Variants in EIF3L observed in about 807,000 individuals in gnomAD.
EIF3L encodes eukaryotic translation initiation factor 3 subunit L.
EIF3L carries 32 observed loss-of-function variants against 74.6 expected under a neutral mutation model. That is an observed-to-expected ratio of 0.43 (90% CI 0.32 to 0.58). The LOEUF (loss-of-function observed/expected upper bound fraction) is 0.58. Ranked by LOEUF, EIF3L falls within the 20% of genes least tolerant of loss-of-function variation. EIF3L has a pLI of 0.06. For missense variants in EIF3L, 474 were observed against 707.8 expected (o/e 0.67, Z 3.75); for synonymous variants, 256 against 254.4 (o/e 1.01, Z -0.06).
At chr22:37,866,742 C>T (rs969102864) in intron 7 of EIF3L, among the ~76,000 whole-genome samples, 5 of 151,870 alleles carry the variant, frequency 3.3e-5, no homozygotes, top group African/African-American at 7.3e-5. Context: ...GCTGAGATTG[C>T]GCCACTGCAC....
rs563358259 is a variant in EIF3L at position 37,856,099 on chromosome 22, C to A, written c.373+455C>A. On this transcript the variant is annotated intron_variant, in intron 4 of 12. Transcript: ENST00000652021. ...TTGAGATGGAGTCTCGTTCTGTCTC[C>A]CAGGCTGAAGTACAGTGGCACAATC... 4.0e-5 allele frequency among the ~76,000 whole-genome samples: 6 copies of A among 151,830 alleles called. No individual in the cohort carries two copies. In the South Asian group the frequency reaches 1.0e-3, roughly 26 times the overall value.
At chr22:37,850,841 T>C (rs1315123296) in intron 2 of EIF3L, among the ~76,000 whole-genome samples, 9 of 152,218 alleles carry the variant, frequency 5.9e-5, no homozygotes, top group Non-Finnish European at 1.2e-4. Context: ...TCCTAAAGAA[T>C]AGAAAATATA....
At position 37,858,754 on chromosome 22, in the gene EIF3L, T is replaced by G. The variant is rs1925680171; in HGVS notation, c.435+14T>G. On this transcript the variant is annotated intron_variant, in intron 5 of 12. Transcript: ENST00000652021. ...GCCAAAGTCAGTGTAAGTATTTAAGTGTCGCAGTTTTTTTTTTGTTTTTGT... is the reference window on the plus strand; with the variant it reads ...GCCAAAGTCAGTGTAAGTATTTAAGGGTCGCAGTTTTTTTTTTGTTTTTGT... 1 of 1,590,854 alleles carries G rather than the reference T, an allele frequency of 6.3e-7. No homozygotes were observed. The highest frequency in any genetic ancestry group is 8.5e-7 in the Non-Finnish European group (1 of 1,173,794).
chr22:37,849,894 C>A, intron 1 of EIF3L, 121 bp from the exon 2 acceptor site: 2 of 1,044,470 alleles, frequency 1.9e-6, no homozygotes, highest in South Asian at 1.3e-5. Flanking sequence ...TCCTCAAAGG[C>A]AGGCACAGTG....
chr22:37,855,561 T>C lies in EIF3L; in HGVS notation c.294-4T>C, dbSNP rs1390695842. 1.2e-5 allele frequency: 20 copies of C among 1,613,820 alleles called. No individual in the cohort carries two copies. Among genetic ancestry groups the C allele is most frequent in the Non-Finnish European group, 1.4e-5 (16 of 1,179,846 alleles). Reference sequence around the variant, plus strand: ...ATTTTAGAGATTTTTTTCTTGATTTTTAGCTGGACCAAGCTGACTGAAAGA... The same window carrying C: ...ATTTTAGAGATTTTTTTCTTGATTTCTAGCTGGACCAAGCTGACTGAAAGA... On this transcript the variant is annotated splice_region_variant and splice_polypyrimidine_tract_variant and intron_variant, in intron 3 of 12. Coordinates refer to ENST00000652021, the MANE Select transcript of EIF3L (RefSeq NM_016091.4).
At chr22:37,867,656 CA>C (rs59463385) in intron 7 of EIF3L, among the ~76,000 whole-genome samples, 71,843 of 103,264 alleles carry the variant, frequency 0.7, 23,389 homozygotes, top group African/African-American at 0.86. Flanking sequence ...GATTCCGTCT[CA>C]AAAAAAAAAA....
At chr22:37,873,595 T>C (rs372616281) in intron 8 of EIF3L, among the ~76,000 whole-genome samples, 68 of 152,294 alleles carry the variant, frequency 4.5e-4, no homozygotes, top group African/African-American at 1.6e-3. Context: ...TCCCGACCTA[T>C]GTATCAGTTG....
At chr22:37,872,632 A>T (rs1183830145) in intron 8 of EIF3L, among the ~76,000 whole-genome samples, 2 of 151,958 alleles carry the variant, frequency 1.3e-5, no homozygotes, top group Non-Finnish European at 2.9e-5. Flanking sequence ...ATTTTTATTT[A>T]TTTTGAGATG....
Position 37,850,093 on chromosome 22 carries a change from C to T in EIF3L, c.82+30C>T, listed in dbSNP as rs760137101. 9.3e-6 allele frequency: 15 copies of T among 1,612,092 alleles called. No homozygotes were observed. The South Asian group carries it at 1.1e-4, about 12-fold the overall frequency. ...GACCACGGGTTAGGCTGGCTGAGTA[C>T]TCGTAGGGATCAGTTCCTTTGGAAT... On this transcript the variant is annotated intron_variant, in intron 2 of 12. Transcript: ENST00000652021.
chr22:37,874,998 C>G (rs1926669718), intron 9 of EIF3L, among the ~76,000 whole-genome samples: 1 of 150,872 alleles, frequency 6.6e-6, no homozygotes. Flanking sequence ...CTACCTCGGC[C>G]TCCCAAAATG....
At chr22:37,862,836 C>T in intron 5 of EIF3L, 133 bp from the exon 6 acceptor site, 1 of 647,788 alleles carries the variant, frequency 1.5e-6, no homozygotes, top group South Asian at 2.1e-5. Context: ...CTCTCACTTG[C>T]ATATTTACAT....
chr22:37,876,255 G>A (rs1380819877), intron 10 of EIF3L: 3 of 387,946 alleles, frequency 7.7e-6, no homozygotes, highest in Admixed American at 4.4e-5. Flanking sequence ...TTAGTCTTCC[G>A]AATAGCTGGG....
intron 10 of EIF3L, chr22:37,877,286 C>A (rs1236899973): frequency 5.4e-6 from 1 of 186,318 alleles, no homozygotes; most frequent in Admixed American, 5.3e-5. Context: ...GCCCATGGCC[C>A]GTTGTTGACT....
intron 12 of EIF3L, 80 bp from the exon 13 acceptor site, chr22:37,888,346 C>CT: frequency 1.3e-6 from 2 of 1,487,786 alleles, no homozygotes; most frequent in Admixed American, 3.6e-5. Context: ...AGCTGGGAAT[C>CT]TGACCTAGTG....
chr22:37,864,607 C>T (rs538903580), intron 7 of EIF3L, among the ~76,000 whole-genome samples: 2 of 151,298 alleles, frequency 1.3e-5, no homozygotes, highest in African/African-American at 4.9e-5. Flanking sequence ...GGCATTATCC[C>T]GGCTCACTGC....
intron 8 of EIF3L, 108 bp downstream of exon 8, chr22:37,870,455 G>C: frequency 1.8e-6 from 2 of 1,139,118 alleles, no homozygotes; most frequent in South Asian, 1.6e-5. Flanking sequence ...CCATGTCTTA[G>C]GTGGTGGTCT....
chr22:37,876,868 A>C (rs1013042244), intron 10 of EIF3L: 3 of 152,208 alleles, frequency 2.0e-5, no homozygotes, highest in Admixed American at 2.0e-4. Flanking sequence ...GAATATCATG[A>C]GCAAAGTGGT....
At chr22:37,869,018 A>T (rs1569117710) in intron 7 of EIF3L, among the ~76,000 whole-genome samples, 1 of 152,100 alleles carries the variant, frequency 6.6e-6, no homozygotes, top group Non-Finnish European at 1.5e-5. Context: ...CTCATGATCC[A>T]TCCACCTTGG....
intron 1 of EIF3L, 133 bp downstream of exon 1, chr22:37,849,615 G>A: frequency 9.8e-7 from 1 of 1,021,050 alleles, no homozygotes; most frequent in Non-Finnish European, 1.4e-6. Flanking sequence ...CCCTCAGGCT[G>A]CTCCCACAGT....
Sources: allele counts gnomAD v4.1 joint callset (sites outside exome capture counted in the v4.1 genomes callset), GRCh38; gene constraint gnomAD v4.1.1; transcripts MANE v1.5; gene names NCBI Gene and HGNC (gene_info 2026-07-23, HGNC 2026-07-21).